Variants in ANKS1B observed in about 807,000 individuals in gnomAD.
ANKS1B encodes the protein ankyrin repeat and sterile alpha motif domain containing 1B, also known as ankyrin repeat and sterile alpha motif domain-containing protein 1B.
In ANKS1B, 36 loss-of-function variants were observed where a neutral mutation model predicts 148.3. The ratio of observed to expected loss-of-function variants is 0.24; its 90% confidence interval spans 0.19 to 0.32. The LOEUF (loss-of-function observed/expected upper bound fraction) is 0.32. Among genes scored for constraint, ANKS1B ranks in the 10% least tolerant of loss-of-function variants. ANKS1B has a pLI of 1.00. For synonymous variants in ANKS1B, 542 were observed against 560.8 expected (o/e 0.97, Z 0.47); for missense variants, 1,157 against 1,542.6 (o/e 0.75, Z 4.19).
chr12:99,038,285 C>A (rs943877665), intron 17 of ANKS1B, among the ~76,000 whole-genome samples: 2 of 152,062 alleles, frequency 1.3e-5, no homozygotes, highest in South Asian at 4.1e-4. Context: ...ACAAATATTC[C>A]CAATCTCAAG....
At chr12:98,863,261 G>A (rs534845858) in intron 17 of ANKS1B, among the ~76,000 whole-genome samples, 6 of 152,248 alleles carry the variant, frequency 3.9e-5, no homozygotes, top group African/African-American at 7.2e-5. Flanking sequence ...TCTGGCCTCC[G>A]TCACCTGAGA....
rs556483196 is a variant in ANKS1B at position 99,707,032 on chromosome 12, A to C, written c.1129-51822T>G. 5.3e-5 allele frequency among the ~76,000 whole-genome samples: 8 copies of C among 152,282 alleles called. No individual in the cohort carries two copies. The South Asian group carries it at 1.7e-3, about 32-fold the overall frequency. On this transcript the variant is annotated intron_variant, in intron 8 of 26. Transcript: ENST00000683438. Reference sequence around the variant, plus strand: ...GCCATGCTTGAATACCTGACACACGAAACTGTGAGATAATAAATATTTTGC... The same window carrying C: ...GCCATGCTTGAATACCTGACACACGCAACTGTGAGATAATAAATATTTTGC...
At chr12:99,801,289 A>T (rs2066918609) in intron 4 of ANKS1B, among the ~76,000 whole-genome samples, 1 of 152,190 alleles carries the variant, frequency 6.6e-6, no homozygotes, top group South Asian at 2.1e-4. Flanking sequence ...GCTAACTTAC[A>T]GCATCAAACA....
Position 99,246,641 on chromosome 12 carries a change from C to T in ANKS1B, c.1980G>A (p.Leu660=). The part of the protein sequence containing the change: ...QSPIENNSEP[L]VKKIKPKVVS... ...CCACTTTGGGTTTAATTTTCTTTAC[C>T]AAAGGTTCTGAGTTATTTTCTATTG... is the stretch of plus-strand genomic sequence containing the variant. The change falls in exon 13 of 27, where the codon TTG becomes TTA. Residue 660 remains leucine, a synonymous_variant. Transcript: ENST00000683438. 6.2e-7 allele frequency: 1 copy of T among 1,613,490 alleles called. No homozygotes were observed. Among genetic ancestry groups the T allele is most frequent in the Non-Finnish European group, 8.5e-7 (1 of 1,179,756 alleles).
intron 17 of ANKS1B, among the ~76,000 whole-genome samples, chr12:98,991,478 A>G (rs1451941383): frequency 6.6e-6 from 1 of 152,238 alleles, no homozygotes; most frequent in African/African-American, 2.4e-5. Context: ...GTTAGTATAA[A>G]TCAAGTACTT....
intron 19 of ANKS1B, among the ~76,000 whole-genome samples, chr12:98,817,026 T>C (rs2099147297): frequency 6.6e-6 from 1 of 152,206 alleles, no homozygotes; most frequent in Admixed American, 6.5e-5. Context: ...ACTTTTTCTC[T>C]GTTTCTCCCT....
chr12:99,891,272 C>A (rs1220193267), intron 1 of ANKS1B, among the ~76,000 whole-genome samples: 1 of 152,074 alleles, frequency 6.6e-6, no homozygotes, highest in African/African-American at 2.4e-5. Flanking sequence ...ATATCAATGC[C>A]AAAATTTATT....
intron 9 of ANKS1B, among the ~76,000 whole-genome samples, chr12:98,738,341 G>C (rs1442558016): frequency 1.3e-5 from 2 of 152,180 alleles, no homozygotes; most frequent in African/African-American, 2.4e-5. Flanking sequence ...ATCTGCCTCT[G>C]TAATTTCCAT....
At chr12:99,161,960 G>A (rs966563503) in intron 14 of ANKS1B, among the ~76,000 whole-genome samples, 1 of 152,054 alleles carries the variant, frequency 6.6e-6, no homozygotes, top group Non-Finnish European at 1.5e-5. Context: ...ACAACGTGAT[G>A]CATCCATACT....
chr12:99,434,697 C>T (rs2152761949), intron 11 of ANKS1B, among the ~76,000 whole-genome samples: 1 of 152,178 alleles, frequency 6.6e-6, no homozygotes, highest in African/African-American at 2.4e-5. Context: ...TCCAAAACTT[C>T]AAGTTAATGT....
intron 15 of ANKS1B, among the ~76,000 whole-genome samples, chr12:99,092,376 G>T (rs2054315169): frequency 6.8e-6 from 1 of 146,516 alleles, no homozygotes; most frequent in Non-Finnish European, 1.5e-5. Flanking sequence ...TGTTGCAGGA[G>T]AGCTATCTGA....
At chr12:99,635,436 C>T (rs1023801799) in intron 9 of ANKS1B, among the ~76,000 whole-genome samples, 5 of 151,980 alleles carry the variant, frequency 3.3e-5, no homozygotes, top group Non-Finnish European at 5.9e-5. Flanking sequence ...AAAGAAAAAT[C>T]GTGTCATATG....
At chr12:99,119,886 T>G (rs1309524615) in intron 15 of ANKS1B, among the ~76,000 whole-genome samples, 2 of 152,254 alleles carry the variant, frequency 1.3e-5, no homozygotes, top group Non-Finnish European at 2.9e-5. Context: ...GTTCAGTTCC[T>G]ATGGTATATT....
At chr12:99,016,033 T>A (rs931414745) in intron 17 of ANKS1B, among the ~76,000 whole-genome samples, 1 of 152,222 alleles carries the variant, frequency 6.6e-6, no homozygotes, top group East Asian at 1.9e-4. Flanking sequence ...AGGCTTTACA[T>A]GATTGGTAGT....
chr12:99,528,822 G>T (rs12306944), intron 9 of ANKS1B, among the ~76,000 whole-genome samples: 4,771 of 152,194 alleles, frequency 0.031, 202 homozygotes, highest in African/African-American at 0.095. Context: ...AAAAAAGTAT[G>T]CACTCAAATT....
At chr12:99,292,841 T>C (rs1185317723) in intron 12 of ANKS1B, among the ~76,000 whole-genome samples, 1 of 152,096 alleles carries the variant, frequency 6.6e-6, no homozygotes, top group Non-Finnish European at 1.5e-5. Context: ...CATTAAAAAG[T>C]CAGGAAACAA....
At chr12:98,978,480 CTG>C (rs960163192) in intron 17 of ANKS1B, among the ~76,000 whole-genome samples, 2 of 151,798 alleles carry the variant, frequency 1.3e-5, no homozygotes, top group African/African-American at 4.8e-5. Flanking sequence ...TATGTGCAAA[CTG>C]TGTGTGTGTG....
chr12:99,321,651 C>G (rs2085293695), intron 12 of ANKS1B, among the ~76,000 whole-genome samples: 1 of 152,194 alleles, frequency 6.6e-6, no homozygotes, highest in African/African-American at 2.4e-5. Context: ...CCTTGCACTT[C>G]CTGGGTAAGG....
chr12:99,091,930 C>T (rs949590619), intron 15 of ANKS1B, among the ~76,000 whole-genome samples: 1 of 152,144 alleles, frequency 6.6e-6, no homozygotes, highest in Non-Finnish European at 1.5e-5. Flanking sequence ...TAGATCCACA[C>T]CATTTATATT....
Sources: allele counts gnomAD v4.1 joint callset (sites outside exome capture counted in the v4.1 genomes callset), GRCh38; gene constraint gnomAD v4.1.1; transcripts MANE v1.5; gene names NCBI Gene and HGNC (gene_info 2026-07-23, HGNC 2026-07-21).